The following KATNIP variants were observed in gnomAD, a reference collection of about 807,000 sequenced individuals.
KATNIP encodes the protein katanin interacting protein, also known as katanin-interacting protein.
A neutral mutation model predicts 174.0 loss-of-function variants in KATNIP; 126 were observed. The ratio of observed to expected loss-of-function variants is 0.72; its 90% CI spans 0.63 to 0.84. KATNIP has a LOEUF of 0.84. Among genes scored for constraint, KATNIP ranks in the 40% least tolerant of loss-of-function variants. The probability of loss-of-function intolerance (pLI) is 0.00; values close to 1 mark genes in which losing one functional copy is unlikely to be tolerated. For missense variants in KATNIP, 1,958 were observed against 2,109.7 expected (o/e 0.93, Z 1.41); for synonymous variants, 810 against 835.7 (o/e 0.97, Z 0.53).
intron 8 of KATNIP, among the ~76,000 whole-genome samples, chr16:27,693,018 A>C (rs1464940323): frequency 2.2e-5 from 3 of 138,992 alleles, no homozygotes; most frequent in Non-Finnish European, 3.1e-5. Context: ...AGCTTCCTTC[A>C]CTCCTTTTGT....
intron 16 of KATNIP, among the ~76,000 whole-genome samples, chr16:27,750,681 C>T (rs1239086275): frequency 6.8e-6 from 1 of 147,620 alleles, no homozygotes; most frequent in Admixed American, 6.7e-5. Flanking sequence ...ATCTGCCCGT[C>T]TCGGCCTCCC....
intron 5 of KATNIP, among the ~76,000 whole-genome samples, chr16:27,641,834 T>G (rs769918091): frequency 5.9e-5 from 9 of 152,184 alleles, no homozygotes; most frequent in Non-Finnish European, 1.2e-4. Flanking sequence ...AGCAGGGCCC[T>G]AGTCCAGGCC....
chr16:27,574,847 G>A (rs1473675190), intron 2 of KATNIP, among the ~76,000 whole-genome samples: 6 of 152,106 alleles, frequency 3.9e-5, no homozygotes, highest in African/African-American at 7.2e-5. Flanking sequence ...CACCACACCC[G>A]GCCCCACTTT....
At chr16:27,691,122 C>T (rs1295858890) in intron 8 of KATNIP, among the ~76,000 whole-genome samples, 2 of 152,132 alleles carry the variant, frequency 1.3e-5, no homozygotes, top group African/African-American at 2.4e-5. Context: ...ACCTCCAAGG[C>T]CCCTTGCATG....
At chr16:27,621,941 C>T (rs2076208660) in intron 3 of KATNIP, among the ~76,000 whole-genome samples, 1 of 152,042 alleles carries the variant, frequency 6.6e-6, no homozygotes, top group Non-Finnish European at 1.5e-5. Context: ...CTAGGGATTA[C>T]AATCCAGCAT....
chr16:27,765,669 T>C (rs1043600335), intron 19 of KATNIP, among the ~76,000 whole-genome samples: 6 of 152,204 alleles, frequency 3.9e-5, no homozygotes, highest in African/African-American at 1.4e-4. Context: ...TTACAGAAAG[T>C]TTGGAAACTT....
intron 2 of KATNIP, among the ~76,000 whole-genome samples, chr16:27,617,794 G>A (rs1003320022): frequency 2.0e-5 from 3 of 152,144 alleles, no homozygotes; most frequent in Non-Finnish European, 4.4e-5. Flanking sequence ...GAGTGCAGTG[G>A]CGCAGTCATG....
intron 8 of KATNIP, among the ~76,000 whole-genome samples, chr16:27,688,561 A>T (rs1428201321): frequency 2.0e-5 from 3 of 152,242 alleles, no homozygotes; most frequent in African/African-American, 4.8e-5. Context: ...ACTGCACTCC[A>T]GCCTGGGCAA....
At chr16:27,778,528 G>A in intron 27 of KATNIP, 46 bp from the exon 28 acceptor site, 1 of 1,598,620 alleles carries the variant, frequency 6.3e-7, no homozygotes, top group South Asian at 1.1e-5. Flanking sequence ...CCCCTCCAGG[G>A]TTTGAGACTT....
intron 2 of KATNIP, among the ~76,000 whole-genome samples, chr16:27,597,402 C>CTTTTT (rs36005993): frequency 3.0e-3 from 137 of 46,136 alleles, no homozygotes; most frequent in Non-Finnish European, 4.4e-3. Context: ...ATTTTCTTTT[C>CTTTTT]TTTTTTTTTT....
Position 27,636,991 on chromosome 16 carries a change from C to T in KATNIP, c.408+5829C>T, listed in dbSNP as rs560957112. Among the ~76,000 whole-genome samples, 19 of 152,370 alleles carry T rather than the reference C, an allele frequency of 1.2e-4. No individual in the cohort carries two copies. The South Asian group carries it at 3.9e-3, about 32-fold the overall frequency. On this transcript the variant is annotated intron_variant, in intron 5 of 27. Transcript: ENST00000261588. ...CAGCCCCAGTGCAAAGCCTTGGCTCCGCCTCCTGCCAGCTGCACAGTGGCT... is the reference window on the plus strand; with the variant it reads ...CAGCCCCAGTGCAAAGCCTTGGCTCTGCCTCCTGCCAGCTGCACAGTGGCT...
chr16:27,564,746 G>GGCTTGCTTGCTT (rs60987314), intron 1 of KATNIP, among the ~76,000 whole-genome samples: 2 of 151,704 alleles, frequency 1.3e-5, no homozygotes, highest in African/African-American at 4.8e-5. Context: ...GTGTCTGCCT[G>GGCTTGCTTGCTT]GCTTGCTTGC....
At chr16:27,709,051 G>C in intron 13 of KATNIP, 131 bp downstream of exon 13, 1 of 676,774 alleles carries the variant, frequency 1.5e-6, no homozygotes, top group Non-Finnish European at 2.5e-6. Flanking sequence ...AGGTACAGAG[G>C]CTCACACCTG....
intron 19 of KATNIP, among the ~76,000 whole-genome samples, chr16:27,762,722 G>C (rs1194120270): frequency 6.6e-6 from 1 of 152,146 alleles, no homozygotes. Context: ...GCCCTGAACC[G>C]TGGCCTCACC....
chr16:27,578,988 A>C (rs574106441), intron 2 of KATNIP, among the ~76,000 whole-genome samples: 2 of 152,204 alleles, frequency 1.3e-5, no homozygotes, highest in Non-Finnish European at 2.9e-5. Context: ...ACAAGTATTC[A>C]TGGTTCCTGC....
At position 27,698,380 on chromosome 16, in the gene KATNIP, C is replaced by T. The variant is rs761004391; in HGVS notation, c.993C>T (p.Cys331=). Residue 331 remains cysteine (C), a synonymous_variant, in exon 9 of 28, where the codon TGC becomes TGT. Transcript: ENST00000261588. ...RPLSATRKTL[C]EAEYPEEDAS... ...TGTCTGCAACCCGCAAAACTCTTTG[C>T]GAGGCTGAGTACCCAGAGGAAGATG... 1.7e-5 allele frequency: 28 copies of T among 1,612,796 alleles called. No homozygotes were observed. The highest frequency in any genetic ancestry group is 1.7e-4 in the African/African-American group (13 of 74,906).
At position 27,567,954 on chromosome 16, in the gene KATNIP, A is replaced by C. The variant is rs577294997; in HGVS notation, c.8-5947A>C. 4.3e-4 allele frequency among the ~76,000 whole-genome samples: 66 copies of C among 152,306 alleles called. 1 individual carries two copies. The highest frequency in any genetic ancestry group is 1.4e-3 in the Admixed American group (22 of 15,302). On this transcript the variant is annotated intron_variant, in intron 1 of 27. Coordinates refer to ENST00000261588, the MANE Select transcript of KATNIP (RefSeq NM_015202.5). ...ATTCCAGGATGGGCAACAGAGCAAG[A>C]CTCAGTCTCTAAAAGATAATAGTAA...
At chr16:27,622,789 C>A (rs185116144) in intron 3 of KATNIP, among the ~76,000 whole-genome samples, 84 of 152,126 alleles carry the variant, frequency 5.5e-4, no homozygotes, top group Middle Eastern at 3.4e-3. Context: ...TCTGAGCCAG[C>A]GCTTTAACCC....
At chr16:27,552,900 G>C (rs1247837184) in intron 1 of KATNIP, among the ~76,000 whole-genome samples, 4 of 151,914 alleles carry the variant, frequency 2.6e-5, no homozygotes, top group Non-Finnish European at 5.9e-5. Flanking sequence ...CTCTATGTTG[G>C]TCAGGCTGGT....
Sources: gnomAD v4.1 joint callset for allele counts (sites outside exome capture counted in the v4.1 genomes callset) on GRCh38, gnomAD v4.1.1 for gene constraint, MANE v1.5 for transcripts, NCBI Gene and HGNC (gene_info 2026-07-23, HGNC 2026-07-21) for gene names.